The following SLC4A8 variants were observed in gnomAD, a reference collection of about 807,000 sequenced individuals.
SLC4A8 encodes the protein solute carrier family 4 member 8, also known as electroneutral sodium bicarbonate exchanger 1.
In SLC4A8, 40 loss-of-function variants were observed where a neutral mutation model predicts 125.0. The observed-to-expected ratio is 0.32, with a 90% confidence interval of 0.25 to 0.42. The LOEUF (loss-of-function observed/expected upper bound fraction) is 0.42. SLC4A8 is among the 10% of genes least tolerant of loss of function. The pLI is 1.00. For synonymous variants in SLC4A8, 456 were observed against 476.0 expected, an observed-to-expected ratio of 0.96 and a Z score of 0.55; for missense variants, 863 against 1,355.1, an observed-to-expected ratio of 0.64 and a Z score of 5.70.
chr12:51,465,808 C>T (rs1328564409), intron 11 of SLC4A8, among the ~76,000 whole-genome samples: 1 of 152,188 alleles, frequency 6.6e-6, no homozygotes, highest in Admixed American at 6.5e-5. Flanking sequence ...CATTTCCAGG[C>T]CAGCTCTGGC....
chr12:51,514,837 G>A lies in SLC4A8; in HGVS notation c.*7399G>A, dbSNP rs966262614. On this transcript the variant is annotated 3_prime_UTR_variant, in exon 25 of 25. Coordinates refer to ENST00000453097, the MANE Select transcript of SLC4A8 (RefSeq NM_001039960.3). Reference sequence around the variant, plus strand: ...TAAAGGAAGTATATTACTGCTTGAAGTGTGAAAAGAGGAAAGGAGTGTTAT... The same window carrying A: ...TAAAGGAAGTATATTACTGCTTGAAATGTGAAAAGAGGAAAGGAGTGTTAT... The A allele has an allele frequency of 6.6e-6, 1 of 152,184 alleles. No individual in the cohort carries two copies. Among genetic ancestry groups the A allele is most frequent in the African/African-American group, 2.4e-5 (1 of 41,454 alleles). The allele number at this position is 152,184 out of a possible 1,614,324, so 9.4% of individuals were successfully genotyped here.
At chr12:51,395,105 G>A (rs12820615) in intron 1 of SLC4A8, among the ~76,000 whole-genome samples, 2,665 of 152,150 alleles carry the variant, frequency 0.018, 30 homozygotes, top group Non-Finnish European at 0.029. Flanking sequence ...AAATAAAAAT[G>A]AAAAAGTTAT....
intron 11 of SLC4A8, chr12:51,469,058 C>T (rs1592237199): frequency 1.3e-5 from 2 of 152,708 alleles, no homozygotes; most frequent in African/African-American, 4.8e-5. Flanking sequence ...TCCTGGAGAG[C>T]AGGGCTGTTC....
In SLC4A8 at chr12:51,462,363, G is replaced by T; in HGVS notation, c.1155G>T (p.Gly385=). 6.2e-7 allele frequency: 1 copy of T among 1,613,818 alleles called. No individual in the cohort carries two copies. Among genetic ancestry groups the T allele is most frequent in the Non-Finnish European group, 8.5e-7 (1 of 1,179,804 alleles). ...AAGAGCGAGATGATCTCCTGGCGGGGATTGATGAGTTCCTAGACCAGGTGA... is the reference window on the plus strand; with the variant it reads ...AAGAGCGAGATGATCTCCTGGCGGGTATTGATGAGTTCCTAGACCAGGTGA... ...KAKERDDLLA[G]IDEFLDQVTV... The change falls in exon 10 of 25, where the codon GGG becomes GGT. Residue 385 remains glycine, a synonymous_variant. Transcript: ENST00000453097.
At chr12:51,441,157 A>C in intron 2 of SLC4A8, 1 of 988,264 alleles carries the variant, frequency 1.0e-6, no homozygotes, top group Non-Finnish European at 1.2e-6. Flanking sequence ...AGAAAATAAA[A>C]TACAAATAGT....
At chr12:51,450,731 A>G (rs1171317774) in intron 2 of SLC4A8, 145 bp from the exon 3 acceptor site, 1 of 811,170 alleles carries the variant, frequency 1.2e-6, no homozygotes, top group Non-Finnish European at 2.0e-6. Flanking sequence ...TTACTCCTGG[A>G]AGTCTTTGAA....
At chr12:51,421,775 AT>A (rs1948794306), upstream of SLC4A8, among the ~76,000 whole-genome samples, 2 of 152,054 alleles carry the variant, frequency 1.3e-5, no homozygotes, top group Admixed American at 1.3e-4. Context: ...AGATGGTACA[AT>A]TTTTATAGGC....
intron 11 of SLC4A8, among the ~76,000 whole-genome samples, chr12:51,466,135 A>G (rs1254954696): frequency 6.6e-6 from 1 of 152,154 alleles, no homozygotes; most frequent in African/African-American, 2.4e-5. Flanking sequence ...TGGTACTCTG[A>G]GTTCTGTATG....
chr12:51,426,793 A>T (rs1303474541), intron 1 of SLC4A8, among the ~76,000 whole-genome samples: 2 of 152,016 alleles, frequency 1.3e-5, no homozygotes, highest in African/African-American at 2.4e-5. Context: ...GAGGAAGTTG[A>T]CATTTATCTG....
intron 2 of SLC4A8, among the ~76,000 whole-genome samples, chr12:51,448,138 G>A (rs1949841872): frequency 6.6e-6 from 1 of 152,196 alleles, no homozygotes. Flanking sequence ...AAAGGAGATT[G>A]AGTACTGAGC....
intron 19 of SLC4A8, among the ~76,000 whole-genome samples, chr12:51,490,478 G>C (rs1951281077): frequency 6.6e-6 from 1 of 151,406 alleles, no homozygotes; most frequent in Non-Finnish European, 1.5e-5. Context: ...CGGGAGAATG[G>C]CGTGAACCCA....
chr12:51,439,311 C>T (rs185499641), intron 1 of SLC4A8, among the ~76,000 whole-genome samples: 119 of 152,272 alleles, frequency 7.8e-4, no homozygotes, highest in Non-Finnish European at 7.2e-4. Flanking sequence ...CTGCCTTGGC[C>T]TCCCAAAGTG....
intron 1 of SLC4A8, among the ~76,000 whole-genome samples, chr12:51,409,812 G>A (rs532936054): frequency 9.2e-5 from 14 of 152,346 alleles, no homozygotes; most frequent in African/African-American, 2.9e-4. Flanking sequence ...CTCATGAGGC[G>A]AGGTGTGGTG....
At chr12:51,505,794 C>A in intron 23 of SLC4A8, 41 bp from the exon 24 acceptor site, 1 of 904,762 alleles carries the variant, frequency 1.1e-6, no homozygotes, top group Non-Finnish European at 1.8e-6. Flanking sequence ...ATGTATTTTA[C>A]TTGTATGTCT....
rs748202314 is a variant in SLC4A8, at chr12:51,470,461, C to G, written c.1594C>G (p.Leu532Val). 1 of 1,613,504 alleles carries G rather than the reference C, an allele frequency of 6.2e-7. No individual in the cohort carries two copies. Among genetic ancestry groups the G allele is most frequent in the Non-Finnish European group, 8.5e-7 (1 of 1,179,484 alleles). The change falls in exon 13 of 25, where the codon CTC (leucine) becomes GTC (valine). Residue 532 changes from leucine (L) to valine (V), a missense_variant. Coordinates refer to ENST00000453097, the MANE Select transcript of SLC4A8 (RefSeq NM_001039960.3). ...IAYSLFAGQA[L>V]TILGSTGPVL... is the part of the protein sequence containing the mutation. ...TTATTCCTTGTTTGCGGGACAGGCTCTCACCATCCTGGGAAGTACTGGACC... is the reference window on the plus strand; with the variant it reads ...TTATTCCTTGTTTGCGGGACAGGCTGTCACCATCCTGGGAAGTACTGGACC...
At chr12:51,432,707 G>A (rs1019638796) in intron 1 of SLC4A8, among the ~76,000 whole-genome samples, 3 of 152,226 alleles carry the variant, frequency 2.0e-5, no homozygotes, top group Middle Eastern at 3.4e-3. Context: ...TGGTGACAGA[G>A]CGAGACTCTG....
intron 14 of SLC4A8, among the ~76,000 whole-genome samples, chr12:51,471,879 G>A (rs1950710591): frequency 6.6e-6 from 1 of 152,212 alleles, no homozygotes; most frequent in African/African-American, 2.4e-5. Context: ...GACTTTGTGA[G>A]CCTCTGGACT....
chr12:51,471,597 G>A (rs745812965), intron 14 of SLC4A8, 65 bp downstream of exon 14: 5 of 1,559,170 alleles, frequency 3.2e-6, no homozygotes, highest in South Asian at 1.2e-5. Context: ...TGCTGATGTA[G>A]AGTGCTAGGC....
chr12:51,434,895 T>C (rs1279712533), intron 1 of SLC4A8, among the ~76,000 whole-genome samples: 2 of 152,214 alleles, frequency 1.3e-5, no homozygotes, highest in East Asian at 3.8e-4. Context: ...ATCAAAGAGT[T>C]TATAAAACTA....
Sources: allele counts gnomAD v4.1 joint callset (sites outside exome capture counted in the v4.1 genomes callset), GRCh38; gene constraint gnomAD v4.1.1; transcripts MANE v1.5; gene names NCBI Gene and HGNC (gene_info 2026-07-23, HGNC 2026-07-21).